CARNS1: variants seen among roughly 807,000 people sequenced by gnomAD.
The protein encoded by CARNS1 is carnosine synthase 1, also known as ATP-grasp domain containing 1.
In CARNS1, 61 loss-of-function variants were observed where a neutral mutation model predicts 74.0. The observed-to-expected ratio is 0.82, with a 90% CI of 0.67 to 1.02. The LOEUF (loss-of-function observed/expected upper bound fraction) is 1.02, where lower values mean the gene tolerates loss of function less well. CARNS1 is among the 50% of genes least tolerant of loss of function. The pLI is 0.00. For synonymous variants in CARNS1, 568 were observed against 605.5 expected (o/e 0.94, Z 0.91); for missense variants, 1,278 against 1,308.4 (o/e 0.98, Z 0.36).
chr11:67,417,932 C>A (rs1863589084), intron 3 of CARNS1, among the ~76,000 whole-genome samples: 1 of 152,208 alleles, frequency 6.6e-6, no homozygotes, highest in Non-Finnish European at 1.5e-5. Flanking sequence ...GATTGGGAAA[C>A]CACGTTGTGT....
At position 67,423,883 on chromosome 11, in the gene CARNS1, C is replaced by A; in HGVS notation, c.2135C>A (p.Pro712Gln). The A allele has an allele frequency of 6.2e-7, 1 of 1,613,542 alleles. No individual in the cohort carries two copies. Among genetic ancestry groups the A allele is most frequent in the Non-Finnish European group, 8.5e-7 (1 of 1,179,886 alleles). The change falls in exon 10 of 10, where the codon CCA becomes CAA. Residue 712 changes from proline (P) to glutamine (Q), a missense_variant. This residue lies in a region of CARNS1 where 1,164 missense variants were observed against 1,156.5 expected (regional missense o/e 1.01). Coordinates refer to ENST00000687366, the MANE Select transcript of CARNS1 (RefSeq NM_001166222.2). This position sits in a 1 kb window ranked among gnomAD's most constrained non-coding sequence, Gnocchi z 5.1. ...TRDLQGEADH[P>Q]GIGLGWGNAM... The stretch of plus-strand genomic sequence containing the variant: ...GACTTGCAGGGCGAGGCCGACCACC[C>A]AGGCATTGGGCTGGGCTGGGGCAAT...
rs1260812578 is a variant in CARNS1, at chr11:67,425,277, CG to C, written c.*679del. ...TCCAGGATTATACCACAGTGGAGAG[CG>C]GGTCACAGGACATGATGCAGGGTCC... On this transcript the variant is annotated 3_prime_UTR_variant, in exon 10 of 10. Coordinates refer to ENST00000687366, the MANE Select transcript of CARNS1 (RefSeq NM_001166222.2). 1 of 355,394 alleles carries C rather than the reference CG, an allele frequency of 2.8e-6. No homozygotes were observed. The highest frequency in any genetic ancestry group is 2.1e-5 in the African/African-American group (1 of 46,718). The allele number at this position is 355,394 out of a possible 1,614,324, so 22.0% of individuals were successfully genotyped here.
Position 67,425,303 on chromosome 11 carries a change from C to A in CARNS1, c.*702C>A, listed in dbSNP as rs193189992. 18 of 343,218 alleles carry A rather than the reference C, an allele frequency of 5.2e-5. No homozygotes were observed. The highest frequency in any genetic ancestry group is 1.3e-4 in the African/African-American group (6 of 46,674). The allele number at this position is 343,218 out of a possible 1,614,324, so 21.3% of individuals were successfully genotyped here. A position where few individuals can be genotyped will look rare whatever the true frequency, so the allele number is the denominator to read the frequency against. The stretch of plus-strand genomic sequence containing the variant: ...GGGTCACAGGACATGATGCAGGGTC[C>A]AGGTTTCTGTTTTGATCAAGTCTTA... On this transcript the variant is annotated 3_prime_UTR_variant, in exon 10 of 10. Coordinates refer to ENST00000687366, the MANE Select transcript of CARNS1 (RefSeq NM_001166222.2).
chr11:67,422,294 G>A (rs1252808144), intron 9 of CARNS1, among the ~76,000 whole-genome samples: 3 of 143,988 alleles, frequency 2.1e-5, no homozygotes, highest in Non-Finnish European at 4.5e-5. Context: ...AGTGATTCTC[G>A]TGCCTCAGCC....
intron 3 of CARNS1, among the ~76,000 whole-genome samples, chr11:67,418,114 T>C (rs954367191): frequency 2.6e-5 from 4 of 152,116 alleles, no homozygotes; most frequent in African/African-American, 9.7e-5. Context: ...CTTGGTCCCA[T>C]TGTACAAACT....
intron 1 of CARNS1, 79 bp from the exon 2 acceptor site, chr11:67,416,097 G>C (rs1161816657): frequency 1.1e-6 from 1 of 885,060 alleles, no homozygotes; most frequent in African/African-American, 1.7e-5. Flanking sequence ...CACTCCCAAA[G>C]TCTAGGGGCT....
At position 67,424,435 on chromosome 11, in the gene CARNS1, TGGA is replaced by T; in HGVS notation, c.2693_2695del (p.Glu898del). On this transcript the variant is annotated inframe_deletion, in exon 10 of 10. Coordinates refer to ENST00000687366, the MANE Select transcript of CARNS1 (RefSeq NM_001166222.2). ...CGTGGACTGCTACGCCTCAATCTGC[TGGA>T]GGAGGCCCTGGTGCCTGGCGAGTAT... 1 of 1,589,188 alleles carries T rather than the reference TGGA, an allele frequency of 6.3e-7. No homozygotes were observed. The highest frequency in any genetic ancestry group is 1.1e-5 in the South Asian group (1 of 88,106).
At position 67,423,633 on chromosome 11, in the gene CARNS1, C is replaced by T; in HGVS notation, c.1885C>T (p.Leu629Phe). ...CATGCGCCTGGCTAAGCAGAAGAGCCTCACCCAGCTGCACCTGTTGCACCA... is the reference window on the plus strand; with the variant it reads ...CATGCGCCTGGCTAAGCAGAAGAGCTTCACCCAGCTGCACCTGTTGCACCA... The part of the protein sequence containing the change: ...AAMRLAKQKS[L>F]TQLHLLHHHG... The change falls in exon 10 of 10, where the codon CTC (leucine) becomes TTC (phenylalanine). Residue 629 changes from leucine (L) to phenylalanine (F), a missense_variant. By Grantham distance (22) the Leu-to-Phe change is conservative. This residue lies in a region of CARNS1 where 1,164 missense variants were observed against 1,156.5 expected (regional missense o/e 1.01). Coordinates refer to ENST00000687366, the MANE Select transcript of CARNS1 (RefSeq NM_001166222.2). This position sits in a 1 kb window ranked among gnomAD's most constrained non-coding sequence, Gnocchi z 5.1. 1.2e-6 allele frequency: 2 copies of T among 1,608,804 alleles called. No homozygotes were observed. The highest frequency in any genetic ancestry group is 2.2e-5 in the East Asian group (1 of 44,672).
At position 67,425,376 on chromosome 11, in the gene CARNS1, A is replaced by G; in HGVS notation, c.*775A>G. On this transcript the variant is annotated 3_prime_UTR_variant, in exon 10 of 10. Transcript: ENST00000687366. ...CCCCCTCACCTCCCTGCCCTCATTCACAAGTGGCCCTGAGACACGTGAACA... is the reference window on the plus strand; with the variant it reads ...CCCCCTCACCTCCCTGCCCTCATTCGCAAGTGGCCCTGAGACACGTGAACA... The G allele has an allele frequency of 3.4e-6, 1 of 290,980 alleles. No homozygotes were observed. Among genetic ancestry groups the G allele is most frequent in the Non-Finnish European group, 6.9e-6 (1 of 145,036 alleles). 18.0% of individuals were successfully genotyped at this position (290,980 alleles called of 1,614,324 possible).
intron 2 of CARNS1, chr11:67,416,766 C>T: frequency 1.0e-6 from 1 of 961,354 alleles, no homozygotes; most frequent in Non-Finnish European, 1.2e-6. Context: ...GCGCCAGCCT[C>T]AGAGAGGGGA....
rs1021683934 is a variant in CARNS1, at chr11:67,419,560, G to A, written c.926G>A (p.Gly309Asp). The change falls in exon 6 of 10, where the codon GGT (glycine) becomes GAT (aspartate). Residue 309 changes from glycine to aspartate, a missense_variant. This residue lies in a region of CARNS1 where 1,164 missense variants were observed against 1,156.5 expected (regional missense o/e 1.01). Transcript: ENST00000687366. ...CGTCTGCACCCGCGGGCAGAGCTGG[G>A]TGCAGTGGTGGACACAGTGCTGGCG... Reference protein sequence around the residue: ...AWRLHPRAELGAVVDTVLALL... With the variant: ...AWRLHPRAELDAVVDTVLALL... 1.2e-6 allele frequency: 2 copies of A among 1,607,282 alleles called. No individual in the cohort carries two copies. Among genetic ancestry groups the A allele is most frequent in the African/African-American group, 2.7e-5 (2 of 74,890 alleles).
rs780624630 is a variant in CARNS1 at position 67,421,198 on chromosome 11, G to T, written c.1605G>T (p.Ala535=). The T allele has an allele frequency of 1.5e-5, 23 of 1,492,738 alleles. No homozygotes were observed. Among genetic ancestry groups the T allele is most frequent in the Non-Finnish European group, 2.0e-5 (23 of 1,127,440 alleles). 92.5% of individuals were successfully genotyped at this position (1,492,738 alleles called of 1,614,324 possible). ...TCAGCAAGAAGTTCGTGTGGGAGGC[G>T]GCGCGCGACTACGGGCTCCAGGTGG... ...GGVSKKFVWE[A]ARDYGLQLHL... Residue 535 remains alanine (A), a synonymous_variant, in exon 9 of 10, where the codon GCG becomes GCT. Coordinates refer to ENST00000687366, the MANE Select transcript of CARNS1 (RefSeq NM_001166222.2).
At chr11:67,417,328 T>TG in intron 2 of CARNS1, 79 bp from the exon 3 acceptor site, 2 of 1,267,934 alleles carry the variant, frequency 1.6e-6, no homozygotes, top group Admixed American at 4.2e-5. Flanking sequence ...GCTGGGAGAG[T>TG]GGGGGGCTTA....
rs1046369097 is a variant in CARNS1 at position 67,417,598 on chromosome 11, C to T, written c.195C>T (p.Tyr65=). ...EGAEARAWTV[Y]YYSLLQSCLQ... is the part of the protein sequence containing the mutation. Reference sequence around the variant, plus strand: ...CCGAGGCCCGGGCTTGGACTGTCTACTACTACAGCCTCCTGCAGAGCTGTC... The same window carrying T: ...CCGAGGCCCGGGCTTGGACTGTCTATTACTACAGCCTCCTGCAGAGCTGTC... Residue 65 remains tyrosine (Y), a synonymous_variant, in exon 3 of 10, where the codon TAC becomes TAT. Coordinates refer to ENST00000687366, the MANE Select transcript of CARNS1 (RefSeq NM_001166222.2). 1.3e-5 allele frequency: 17 copies of T among 1,314,446 alleles called. No homozygotes were observed. Among genetic ancestry groups the T allele is most frequent in the Non-Finnish European group, 1.6e-5 (17 of 1,030,762 alleles). The allele number at this position is 1,314,446 out of a possible 1,614,324, so 81.4% of individuals were successfully genotyped here.
chr11:67,419,048 G>C lies in CARNS1; in HGVS notation c.657G>C (p.Leu219Phe). The change falls in exon 5 of 10, where the codon TTG (leucine) becomes TTC (phenylalanine). Residue 219 changes from leucine (L) to phenylalanine (F), a missense_variant. This residue lies in a region of CARNS1 where 1,164 missense variants were observed against 1,156.5 expected (regional missense o/e 1.01). Transcript: ENST00000687366. The stretch of plus-strand genomic sequence containing the variant: ...AGGACCGGCTGCTGACAAGGCAGTT[G>C]CTGGCCCAGCAGGGTGGTGTGGCTG... ...LLEDRLLTRQ[L>F]LAQQGGVAVP... 6.4e-7 allele frequency: 1 copy of C among 1,557,300 alleles called. No homozygotes were observed. Among genetic ancestry groups the C allele is most frequent in the Non-Finnish European group, 8.7e-7 (1 of 1,151,692 alleles).
Position 67,419,196 on chromosome 11 carries a change from G to C in CARNS1, c.805G>C (p.Glu269Gln), listed in dbSNP as rs952099914. ...KEGQETLVKE[E>Q]VEAFLRSEAL... ...GGGCCAGGAGACGCTGGTGAAAGAG[G>C]AAGTGGAGGCTTTTCTGCGCTCCGA... Residue 269 changes from glutamate to glutamine, a missense_variant, in exon 5 of 10, where the codon GAA becomes CAA. By Grantham distance (29) the Glu-to-Gln change is conservative. This residue lies in a region of CARNS1 where 1,164 missense variants were observed against 1,156.5 expected (regional missense o/e 1.01). Coordinates refer to ENST00000687366, the MANE Select transcript of CARNS1 (RefSeq NM_001166222.2). 7.9e-6 allele frequency: 12 copies of C among 1,512,232 alleles called. No individual in the cohort carries two copies. The East Asian group carries it at 2.9e-4, about 37-fold the overall frequency. 93.7% of individuals were successfully genotyped at this position (1,512,232 alleles called of 1,614,324 possible). A position where few individuals can be genotyped will look rare whatever the true frequency, so the allele number is the denominator to read the frequency against.
Position 67,418,840 on chromosome 11 carries a change from C to G in CARNS1, c.449C>G (p.Ser150Cys). Reference sequence around the variant, plus strand: ...CCGGGTGAGGCAGCCCTGCTAGTCTCCAAGGCTGTGAGCTTCCACCCTGGG... The same window carrying G: ...CCGGGTGAGGCAGCCCTGCTAGTCTGCAAGGCTGTGAGCTTCCACCCTGGG... ...GQPGEAALLV[S>C]KAVSFHPGGL... Residue 150 changes from serine (S) to cysteine (C), a missense_variant, in exon 5 of 10, where the codon TCC becomes TGC. Ser to Cys is a moderately radical substitution (Grantham distance 112). Coordinates refer to ENST00000687366, the MANE Select transcript of CARNS1 (RefSeq NM_001166222.2). 2 of 1,601,096 alleles carry G rather than the reference C, an allele frequency of 1.2e-6. No individual in the cohort carries two copies. The highest frequency in any genetic ancestry group is 1.7e-6 in the Non-Finnish European group (2 of 1,174,240).
In CARNS1 at chr11:67,423,436, A is replaced by G; in HGVS notation, c.1688A>G (p.His563Arg). ...TCCCAGTTGGTACAGACCTTCATCC[A>G]CTTTGACATGACAGAGCACCGGAGG... ...FASQLVQTFI[H>R]FDMTEHRRDE... Residue 563 changes from histidine to arginine, a missense_variant, in exon 10 of 10, where the codon CAC becomes CGC. By Grantham distance (29) the His-to-Arg change is conservative (BLOSUM62 0). Coordinates refer to ENST00000687366, the MANE Select transcript of CARNS1 (RefSeq NM_001166222.2). This position sits in a 1 kb window ranked among gnomAD's most constrained non-coding sequence, Gnocchi z 5.1. 2 of 1,613,906 alleles carry G rather than the reference A, an allele frequency of 1.2e-6. No homozygotes were observed. The highest frequency in any genetic ancestry group is 1.7e-6 in the Non-Finnish European group (2 of 1,179,820).
chr11:67,421,956 C>T (rs545844758), intron 9 of CARNS1, among the ~76,000 whole-genome samples: 5 of 151,394 alleles, frequency 3.3e-5, no homozygotes, highest in Admixed American at 6.6e-5. Context: ...GGCGTGATCT[C>T]GGCTCACTGC....
Sources: allele counts gnomAD v4.1 joint callset (sites outside exome capture counted in the v4.1 genomes callset), GRCh38; gene constraint gnomAD v4.1.1; regional missense constraint gnomAD v4.1.1; non-coding constraint Gnocchi (gnomAD v3.1); transcripts MANE v1.5; gene names NCBI Gene and HGNC (gene_info 2026-07-23, HGNC 2026-07-21).